The following CREG1 variants were observed in gnomAD, a reference collection of about 807,000 sequenced individuals.
CREG1 encodes the protein cellular repressor of E1A stimulated genes 1, also known as protein CREG1.
CREG1 carries 20 observed loss-of-function variants against 19.9 expected under a neutral mutation model. The ratio of observed to expected loss-of-function variants is 1.01; its 90% confidence interval spans 0.71 to 1.46. CREG1 has a LOEUF of 1.46. Ranked by LOEUF, CREG1 falls within the 40% of genes most tolerant of loss-of-function variation. The pLI, the probability that CREG1 is intolerant of heterozygous loss-of-function variation, is 0.00. For synonymous variants in CREG1, 141 were observed against 143.3 expected, an observed-to-expected ratio of 0.98 and a Z score of 0.12; for missense variants, 290 against 314.9, an observed-to-expected ratio of 0.92 and a Z score of 0.60.
chr1:167,553,640 G>T lies in CREG1; in HGVS notation c.102C>A (p.Gly34=), dbSNP rs1350175865. ...LLVSPARGRG[G]RDHGDWDEAS... is the part of the protein sequence containing the mutation. ...CCTCGTCCCAGTCCCCGTGGTCCCG[G>T]CCGCCGCGACCCCGCGCGGGCGACA... Residue 34 remains glycine (G), a synonymous_variant, in exon 1 of 4, where the codon GGC becomes GGA. Coordinates refer to ENST00000370509, the MANE Select transcript of CREG1 (RefSeq NM_003851.3). 1.5e-6 allele frequency: 2 copies of T among 1,347,698 alleles called. No individual in the cohort carries two copies. The highest frequency in any genetic ancestry group is 6.2e-5 in the East Asian group (2 of 32,142). 83.5% of individuals were successfully genotyped at this position (1,347,698 alleles called of 1,614,324 possible).
In CREG1 at chr1:167,548,065, T is replaced by C. The variant is rs762596750; in HGVS notation, c.411A>G (p.Lys137=). The C allele has an allele frequency of 6.2e-6, 10 of 1,613,786 alleles. No individual in the cohort carries two copies. Among genetic ancestry groups the C allele is most frequent in the Middle Eastern group, 1.6e-4 (1 of 6,084 alleles). The part of the protein sequence containing the change: ...MTLAQTNFCK[K]HGFDPQSPLC... ...GGGGACTTTGTGGATCAAATCCATGTTTCTTGCAGAAGTTGGTCTGTGCCA... is the reference window on the plus strand; with the variant it reads ...GGGGACTTTGTGGATCAAATCCATGCTTCTTGCAGAAGTTGGTCTGTGCCA... The change falls in exon 2 of 4, where the codon AAA becomes AAG. Residue 137 remains lysine, a synonymous_variant. Coordinates refer to ENST00000370509, the MANE Select transcript of CREG1 (RefSeq NM_003851.3).
chr1:167,550,103 A>G (rs1656399731), intron 1 of CREG1, among the ~76,000 whole-genome samples: 1 of 151,908 alleles, frequency 6.6e-6, no homozygotes, highest in South Asian at 2.1e-4. Flanking sequence ...GATGCTCTCA[A>G]CTCAGCCTCC....
At chr1:167,547,530 T>C (rs1558047376) in intron 2 of CREG1, among the ~76,000 whole-genome samples, 1 of 152,224 alleles carries the variant, frequency 6.6e-6, no homozygotes, top group African/African-American at 2.4e-5. Flanking sequence ...AAGCAACTTA[T>C]TAAAACGTTT....
At position 167,553,462 on chromosome 1, in the gene CREG1, C is replaced by T. The variant is rs1475328170; in HGVS notation, c.280G>A (p.Gly94Arg). 1 of 1,482,164 alleles carries T rather than the reference C, an allele frequency of 6.7e-7. No individual in the cohort carries two copies. The highest frequency in any genetic ancestry group is 8.9e-7 in the Non-Finnish European group (1 of 1,123,400). The allele number at this position is 1,482,164 out of a possible 1,614,324, so 91.8% of individuals were successfully genotyped here. A position where few individuals can be genotyped will look rare whatever the true frequency, so the allele number is the denominator to read the frequency against. Residue 94 changes from glycine (G) to arginine (R), a missense_variant, in exon 1 of 4, where the codon GGG becomes AGG. By Grantham distance (125) the Gly-to-Arg change is moderately radical (BLOSUM62 -2). Transcript: ENST00000370509. ...ACGCCGCTGCCCGCGCCCGGGGGCCCGTCGCTGAGCGAGAGGACGTCGGCG... is the reference window on the plus strand; with the variant it reads ...ACGCCGCTGCCCGCGCCCGGGGGCCTGTCGCTGAGCGAGAGGACGTCGGCG... ...PFADVLSLSD[G>R]PPGAGSGVPY...
At chr1:167,543,454 G>A (rs759798343) in intron 3 of CREG1, among the ~76,000 whole-genome samples, 2 of 152,178 alleles carry the variant, frequency 1.3e-5, no homozygotes, top group African/African-American at 4.8e-5. Flanking sequence ...AGAGGGCTTC[G>A]TGGTATTTGG....
intron 3 of CREG1, among the ~76,000 whole-genome samples, 184 bp from the exon 4 acceptor site, chr1:167,542,485 G>C (rs148340229): frequency 1.3e-5 from 2 of 152,194 alleles, no homozygotes; most frequent in African/African-American, 4.8e-5. Context: ...CCTGAGTTTC[G>C]GTTTCAATAG....
intron 1 of CREG1, among the ~76,000 whole-genome samples, chr1:167,549,892 G>A (rs919550056): frequency 2.7e-5 from 4 of 150,608 alleles, no homozygotes; most frequent in African/African-American, 9.8e-5. Flanking sequence ...TCACTGTGTT[G>A]CCCTGGCTGG....
At chr1:167,543,400 T>C (rs1403271664) in intron 3 of CREG1, among the ~76,000 whole-genome samples, 1 of 152,192 alleles carries the variant, frequency 6.6e-6, no homozygotes, top group Non-Finnish European at 1.5e-5. Context: ...GTATCAGCTC[T>C]CACAAGTGGC....
At chr1:167,543,708 C>A (rs143687437) in intron 3 of CREG1, among the ~76,000 whole-genome samples, 1 of 152,212 alleles carries the variant, frequency 6.6e-6, no homozygotes, top group African/African-American at 2.4e-5. Flanking sequence ...CAGAGGCACC[C>A]GGTCAGAGCG....
chr1:167,543,762 G>A (rs1314717390), intron 3 of CREG1, among the ~76,000 whole-genome samples: 1 of 152,218 alleles, frequency 6.6e-6, no homozygotes, highest in Non-Finnish European at 1.5e-5. Flanking sequence ...CTGGTGCACT[G>A]CCTCAGAAGA....
intron 1 of CREG1, among the ~76,000 whole-genome samples, chr1:167,549,051 T>C (rs1207079558): frequency 6.6e-6 from 1 of 152,204 alleles, no homozygotes; most frequent in Non-Finnish European, 1.5e-5. Context: ...TAAGGAGCTT[T>C]ATAATATATT....
At chr1:167,544,917 C>T (rs1401468189) in intron 3 of CREG1, among the ~76,000 whole-genome samples, 1 of 152,208 alleles carries the variant, frequency 6.6e-6, no homozygotes, top group Non-Finnish European at 1.5e-5. Context: ...TTCCCTGTGT[C>T]ACCTGGGAGA....
chr1:167,553,641 C>A lies in CREG1; in HGVS notation c.101G>T (p.Gly34Val). 1 of 1,344,006 alleles carries A rather than the reference C, an allele frequency of 7.4e-7. No individual in the cohort carries two copies. The highest frequency in any genetic ancestry group is 9.5e-7 in the Non-Finnish European group (1 of 1,052,888). 83.3% of individuals were successfully genotyped at this position (1,344,006 alleles called of 1,614,324 possible). A position where few individuals can be genotyped will look rare whatever the true frequency, so the allele number is the denominator to read the frequency against. Residue 34 changes from glycine to valine, a missense_variant, in exon 1 of 4, where the codon GGC becomes GTC. Gly to Val is a moderately radical substitution (Grantham distance 109, BLOSUM62 -3). Coordinates refer to ENST00000370509, the MANE Select transcript of CREG1 (RefSeq NM_003851.3). ...CTCGTCCCAGTCCCCGTGGTCCCGG[C>A]CGCCGCGACCCCGCGCGGGCGACAC... The part of the protein sequence containing the change: ...LLVSPARGRG[G>V]RDHGDWDEAS...
At chr1:167,553,301 C>T in intron 1 of CREG1, 87 bp downstream of exon 1, 2 of 1,085,712 alleles carry the variant, frequency 1.8e-6, no homozygotes, top group Non-Finnish European at 1.2e-6. Context: ...GCTCCACTTC[C>T]CGGGAAGAAT....
intron 3 of CREG1, among the ~76,000 whole-genome samples, chr1:167,543,853 T>G (rs1656270737): frequency 6.6e-6 from 1 of 152,236 alleles, no homozygotes. Flanking sequence ...GAAGTGCTCC[T>G]TTGTCAGCAT....
At chr1:167,543,150 G>T (rs1422313015) in intron 3 of CREG1, among the ~76,000 whole-genome samples, 1 of 151,914 alleles carries the variant, frequency 6.6e-6, no homozygotes, top group Non-Finnish European at 1.5e-5. Context: ...AGGAGGCTGA[G>T]GCAGGAGAAT....
At chr1:167,543,379 A>G (rs906097103) in intron 3 of CREG1, among the ~76,000 whole-genome samples, 2 of 152,236 alleles carry the variant, frequency 1.3e-5, no homozygotes, top group Non-Finnish European at 2.9e-5. Flanking sequence ...AACCACATTC[A>G]GTTAAGCTCC....
At chr1:167,550,134 C>T (rs10449257) in intron 1 of CREG1, among the ~76,000 whole-genome samples, 18 of 152,272 alleles carry the variant, frequency 1.2e-4, no homozygotes, top group African/African-American at 3.6e-4. Flanking sequence ...GGACTACGGT[C>T]GTACACCACC....
At chr1:167,549,875 T>C (rs960208296) in intron 1 of CREG1, among the ~76,000 whole-genome samples, 2 of 151,680 alleles carry the variant, frequency 1.3e-5, no homozygotes, top group African/African-American at 4.8e-5. Context: ...TTTGTAGACA[T>C]GGAGTTTCAC....
Sources: allele counts gnomAD v4.1 joint callset (sites outside exome capture counted in the v4.1 genomes callset), GRCh38; gene constraint gnomAD v4.1.1; transcripts MANE v1.5; gene names NCBI Gene and HGNC (gene_info 2026-07-23, HGNC 2026-07-21).